Variants in CCDC85A observed in about 807,000 individuals in gnomAD.
CCDC85A encodes the protein coiled-coil domain containing 85A, also known as coiled-coil domain-containing protein 85A.
Under a neutral mutation model 50.2 loss-of-function variants are expected in CCDC85A, and 38 were observed. The ratio of observed to expected loss-of-function variants is 0.76; its 90% CI spans 0.58 to 0.99. The LOEUF is 0.99. Ranked by LOEUF, CCDC85A falls within the 50% of genes least tolerant of loss-of-function variation. The pLI is 0.00. For missense variants in CCDC85A, 820 were observed against 742.0 expected, an observed-to-expected ratio of 1.11 and a Z score of -1.22; for synonymous variants, 366 against 301.4, an observed-to-expected ratio of 1.21 and a Z score of -2.22.
Position 56,189,706 on chromosome 2 carries a change from T to C in CCDC85A, c.277-2771T>C, listed in dbSNP as rs543864350. ...CCCATCTTCCAGGTACTGAGCATAG[T>C]ATCCGATAGTTTTTTAACCCTTACC... On this transcript the variant is annotated intron_variant, in intron 1 of 5. Coordinates refer to ENST00000407595, the MANE Select transcript of CCDC85A (RefSeq NM_001080433.2). Among the ~76,000 whole-genome samples, 12 of 152,340 alleles carry C rather than the reference T, an allele frequency of 7.9e-5. No individual in the cohort carries two copies. In the East Asian group the frequency reaches 1.2e-3, roughly 15 times the overall value.
At chr2:56,367,571 C>T (rs1347124984) in intron 3 of CCDC85A, among the ~76,000 whole-genome samples, 1 of 152,058 alleles carries the variant, frequency 6.6e-6, no homozygotes, top group Non-Finnish European at 1.5e-5. Context: ...GGGGTCTGTC[C>T]AGTGCATTTT....
chr2:56,212,147 A>C (rs911557465), intron 2 of CCDC85A, among the ~76,000 whole-genome samples: 1 of 152,056 alleles, frequency 6.6e-6, no homozygotes, highest in Non-Finnish European at 1.5e-5. Flanking sequence ...ATGCTTGGCC[A>C]AATTCTGCAC....
rs898158344 is a variant in CCDC85A, at chr2:56,330,208, A to G, written c.1241-12671A>G. 5.9e-5 allele frequency among the ~76,000 whole-genome samples: 9 copies of G among 152,108 alleles called. No individual in the cohort carries two copies. The East Asian group carries it at 1.7e-3, about 29-fold the overall frequency. ...CTGAATAGCTGTTATAATGGTGTTC[A>G]TGCTAAATAGCTCTTCAGAGATTGA... On this transcript the variant is annotated intron_variant, in intron 2 of 5. Transcript: ENST00000407595.
chr2:56,186,911 C>G (rs35414849), intron 1 of CCDC85A, among the ~76,000 whole-genome samples: 29,736 of 152,072 alleles, frequency 0.2, 3,535 homozygotes, highest in East Asian at 0.49. Flanking sequence ...TGCCAGTCTA[C>G]TTCCTTATCA....
chr2:56,339,783 A>G (rs958179772), intron 2 of CCDC85A, among the ~76,000 whole-genome samples: 9 of 152,166 alleles, frequency 5.9e-5, no homozygotes, highest in African/African-American at 2.2e-4. Flanking sequence ...CTTGCAAAAC[A>G]GTGTAAATCA....
chr2:56,207,282 G>C (rs1676998057), intron 2 of CCDC85A, among the ~76,000 whole-genome samples: 1 of 152,174 alleles, frequency 6.6e-6, no homozygotes, highest in South Asian at 2.1e-4. Context: ...GCTGTTAGGA[G>C]TGCATAGGGA....
chr2:56,294,780 T>C (rs113599545), intron 2 of CCDC85A, among the ~76,000 whole-genome samples: 1,585 of 152,302 alleles, frequency 0.01, 27 homozygotes, highest in African/African-American at 0.034. Flanking sequence ...CCAGAAAATA[T>C]CACATTTAAA....
In CCDC85A at chr2:56,193,361, C is replaced by A. The variant is rs1268560740; in HGVS notation, c.1161C>A (p.Gly387=). 6.2e-7 allele frequency: 1 copy of A among 1,611,170 alleles called. No homozygotes were observed. The highest frequency in any genetic ancestry group is 2.2e-5 in the East Asian group (1 of 44,778). The change falls in exon 2 of 6, where the codon GGC becomes GGA. Residue 387 remains glycine, a synonymous_variant. Transcript: ENST00000407595. ...GAGGAAGTGGAGGCAGCGGCGGAGG[C>A]AGCAGGGAGGGCACCCTCAGACGGC... is the stretch of plus-strand genomic sequence containing the variant. The part of the protein sequence containing the change: ...GSGGSGGSGG[G]SREGTLRRQA...
At chr2:56,331,724 C>T (rs1353841165) in intron 2 of CCDC85A, among the ~76,000 whole-genome samples, 1 of 152,182 alleles carries the variant, frequency 6.6e-6, no homozygotes, top group Non-Finnish European at 1.5e-5. Flanking sequence ...ACAAAAATCA[C>T]TGCTGTTTCA....
At chr2:56,342,817 TC>T in intron 2 of CCDC85A, 61 bp from the exon 3 acceptor site, 2 of 1,084,544 alleles carry the variant, frequency 1.8e-6, no homozygotes, top group South Asian at 2.9e-5. Flanking sequence ...GCCAGAAATA[TC>T]CTGACAGTAC....
In CCDC85A at chr2:56,193,010, C is replaced by T. The variant is rs762437311; in HGVS notation, c.810C>T (p.Arg270=). The T allele has an allele frequency of 1.2e-6, 2 of 1,613,632 alleles. No homozygotes were observed. Among genetic ancestry groups the T allele is most frequent in the Non-Finnish European group, 1.7e-6 (2 of 1,179,870 alleles). ...QKPRACGTPD[R]PKALKGPSPE... is the part of the protein sequence containing the mutation. ...CCAGAGCCTGTGGAACCCCAGATCG[C>T]CCCAAAGCACTCAAAGGACCTAGCC... Residue 270 remains arginine (R), a synonymous_variant, in exon 2 of 6, where the codon CGC becomes CGT. Transcript: ENST00000407595.
chr2:56,267,090 T>C (rs1670483373), intron 2 of CCDC85A, among the ~76,000 whole-genome samples: 1 of 152,140 alleles, frequency 6.6e-6, no homozygotes, highest in Non-Finnish European at 1.5e-5. Flanking sequence ...TTATGGACAA[T>C]GAAATATGTT....
At chr2:56,363,332 T>C (rs1241533578) in intron 3 of CCDC85A, among the ~76,000 whole-genome samples, 1 of 152,178 alleles carries the variant, frequency 6.6e-6, no homozygotes, top group African/African-American at 2.4e-5. Context: ...TCTGGATTCA[T>C]TTTGGCTACT....
At chr2:56,295,668 A>G (rs1279559331) in intron 2 of CCDC85A, among the ~76,000 whole-genome samples, 1 of 152,114 alleles carries the variant, frequency 6.6e-6, no homozygotes, top group African/African-American at 2.4e-5. Context: ...ATCATTCCAG[A>G]TCATTTCTCT....
At chr2:56,220,558 C>T (rs1668281638) in intron 2 of CCDC85A, among the ~76,000 whole-genome samples, 1 of 151,926 alleles carries the variant, frequency 6.6e-6, no homozygotes, top group African/African-American at 2.4e-5. Context: ...TCTTTGTTCT[C>T]CAGAAACTTT....
intron 3 of CCDC85A, among the ~76,000 whole-genome samples, chr2:56,362,944 C>T (rs1675607364): frequency 6.6e-6 from 1 of 151,842 alleles, no homozygotes; most frequent in Non-Finnish European, 1.5e-5. Flanking sequence ...TTTTAGTCTC[C>T]CAGAGGTATG....
rs749168116 is a variant in CCDC85A at position 56,193,411 on chromosome 2, A to G, written c.1211A>G (p.His404Arg). 1.2e-6 allele frequency: 2 copies of G among 1,609,744 alleles called. No homozygotes were observed. Among genetic ancestry groups the G allele is most frequent in the South Asian group, 2.2e-5 (2 of 90,082 alleles). ...CAGGCACAGGAGGACGGGTCACCCC[A>G]TCACCGGAATGTCTACAGTGGCATG... Reference protein sequence around the residue: ...RRQAQEDGSPHHRNVYSGMNE... With the variant: ...RRQAQEDGSPRHRNVYSGMNE... Residue 404 changes from histidine to arginine, a missense_variant, in exon 2 of 6, where the codon CAT (histidine) becomes CGT (arginine). Transcript: ENST00000407595.
chr2:56,184,657 TGCGGCG>T lies in CCDC85A; in HGVS notation c.41_46del (p.Ala14_Ala15del). On this transcript the variant is annotated inframe_deletion, in exon 1 of 6. Coordinates refer to ENST00000407595, the MANE Select transcript of CCDC85A (RefSeq NM_001080433.2). ...AGGCGGCCGGAGGCGCGGCGGCGGC[TGCGGCG>T]GCGGCGGAAAGTTGTTCCCCAGCCC... 6.9e-7 allele frequency: 1 copy of T among 1,448,664 alleles called. No homozygotes were observed. Among genetic ancestry groups the T allele is most frequent in the Non-Finnish European group, 9.0e-7 (1 of 1,113,282 alleles). The allele number at this position is 1,448,664 out of a possible 1,614,324, so 89.7% of individuals were successfully genotyped here.
chr2:56,194,733 C>T (rs1676458132), intron 2 of CCDC85A, among the ~76,000 whole-genome samples: 1 of 152,298 alleles, frequency 6.6e-6, no homozygotes, highest in East Asian at 1.9e-4. Flanking sequence ...GAGGCTACTG[C>T]TTTCTCTGTC....
Sources: gnomAD v4.1 joint callset for allele counts (sites outside exome capture counted in the v4.1 genomes callset) on GRCh38, gnomAD v4.1.1 for gene constraint, MANE v1.5 for transcripts, NCBI Gene and HGNC (gene_info 2026-07-23, HGNC 2026-07-21) for gene names.